TENM3: variants seen among roughly 807,000 people sequenced by gnomAD.
The protein encoded by TENM3 is teneurin transmembrane protein 3.
A neutral mutation model predicts 255.1 loss-of-function variants in TENM3; 63 were observed. That is an observed-to-expected ratio of 0.25 (90% CI 0.20 to 0.30). The LOEUF is 0.30. Among genes scored for constraint, TENM3 ranks in the 10% least tolerant of loss-of-function variants. The probability of loss-of-function intolerance (pLI) is 1.00; values close to 1 mark genes in which losing one functional copy is unlikely to be tolerated. For synonymous variants in TENM3, 1,306 were observed against 1,322.3 expected (o/e 0.99, Z 0.27); for missense variants, 2,929 against 3,461.1 (o/e 0.85, Z 3.86).
chr4:182,588,373 T>A (rs1054112975), intron 3 of TENM3, among the ~76,000 whole-genome samples: 1 of 152,218 alleles, frequency 6.6e-6, no homozygotes, highest in Non-Finnish European at 1.5e-5. Flanking sequence ...CTTTCCTTAC[T>A]CTTTATAAGC....
At chr4:182,389,022 T>C (rs1480043093) in intron 3 of TENM3, among the ~76,000 whole-genome samples, 5 of 152,164 alleles carry the variant, frequency 3.3e-5, no homozygotes, top group Non-Finnish European at 1.5e-5. Context: ...TAAATTATAT[T>C]GCAACATCCC....
the TENM3 span, among the ~76,000 whole-genome samples, chr4:181,573,417 A>AT: frequency 3.3e-5 from 5 of 150,558 alleles, no homozygotes; most frequent in African/African-American, 7.3e-5. Flanking sequence ...TCTTTCTTAA[A>AT]TTTTTTTTTT....
At chr4:182,072,471 T>G in the TENM3 span, among the ~76,000 whole-genome samples, 1 of 152,170 alleles carries the variant, frequency 6.6e-6, no homozygotes. Flanking sequence ...CAGCTCTCTA[T>G]CCAATCAATT....
At chr4:182,601,243 G>GGTGTTTTGGGGTTTTGTTGTTGTT in intron 4 of TENM3, 82 bp downstream of exon 4, 1 of 1,100,824 alleles carries the variant, frequency 9.1e-7, no homozygotes, top group South Asian at 1.4e-5. Flanking sequence ...ATTCTGGTGT[G>GGTGTTTTGGGGTTTTGTTGTTGTT]GTGTTTTGGG....
chr4:181,480,669 T>C, the TENM3 span, among the ~76,000 whole-genome samples: 61,367 of 151,268 alleles, frequency 0.41, 12,777 homozygotes, highest in African/African-American at 0.5. Context: ...TATGGAGATA[T>C]GTAGTTTTAT....
chr4:182,323,947 G>T lies in TENM3; in HGVS notation c.-74G>T, dbSNP rs970157346. 3.9e-6 allele frequency: 5 copies of T among 1,294,050 alleles called. No individual in the cohort carries two copies. In the Admixed American group the frequency reaches 9.8e-5, roughly 25 times the overall value. 80.2% of individuals were successfully genotyped at this position (1,294,050 alleles called of 1,614,324 possible). ...CATGCAAACCTTGTATCTTCACAGAGAGGCCAATGAGACTTGAACCCTGAG... is the reference window on the plus strand; with the variant it reads ...CATGCAAACCTTGTATCTTCACAGATAGGCCAATGAGACTTGAACCCTGAG... On this transcript the variant is annotated splice_region_variant and 5_prime_UTR_variant, in exon 2 of 28. Coordinates refer to ENST00000511685, the MANE Select transcript of TENM3 (RefSeq NM_001080477.4).
the TENM3 span, among the ~76,000 whole-genome samples, chr4:181,882,637 A>G: frequency 6.6e-6 from 1 of 152,218 alleles, no homozygotes; most frequent in African/African-American, 2.4e-5. Context: ...CTTCTTTATC[A>G]AATCAGAGGA....
chr4:182,162,244 C>G (rs959703341), intron 1 of TENM3, among the ~76,000 whole-genome samples: 4 of 151,912 alleles, frequency 2.6e-5, no homozygotes, highest in African/African-American at 9.7e-5. Context: ...TTAGTTGGCT[C>G]CAGTGAAAAT....
chr4:181,986,861 G>C, the TENM3 span, among the ~76,000 whole-genome samples: 1 of 152,034 alleles, frequency 6.6e-6, no homozygotes, highest in African/African-American at 2.4e-5. Context: ...GTGTTTATTT[G>C]CATAATATTT....
At chr4:181,968,464 C>T in the TENM3 span, among the ~76,000 whole-genome samples, 1 of 152,200 alleles carries the variant, frequency 6.6e-6, no homozygotes, top group East Asian at 1.9e-4. Context: ...CACAACTGCT[C>T]TGCCAGTGGC....
the TENM3 span, among the ~76,000 whole-genome samples, chr4:181,765,300 A>T: frequency 1.3e-5 from 2 of 152,186 alleles, no homozygotes; most frequent in Non-Finnish European, 2.9e-5. Context: ...TATGACCATA[A>T]AAAGCAGGAT....
At chr4:182,187,363 A>T (rs1235805687) in intron 1 of TENM3, among the ~76,000 whole-genome samples, 1 of 152,218 alleles carries the variant, frequency 6.6e-6, no homozygotes, top group Non-Finnish European at 1.5e-5. Context: ...CTATATGACC[A>T]TGTTGGTGGA....
the TENM3 span, among the ~76,000 whole-genome samples, chr4:181,663,291 T>C: frequency 0.057 from 8,612 of 152,130 alleles, 351 homozygotes; most frequent in Middle Eastern, 0.16. Context: ...AGGCCTTCAG[T>C]TGGTGGAAAT....
intron 1 of TENM3, among the ~76,000 whole-genome samples, chr4:182,307,898 A>G (rs1762226673): frequency 6.6e-6 from 1 of 152,236 alleles, no homozygotes; most frequent in Admixed American, 6.5e-5. Context: ...CAGGCAGTCA[A>G]TGGGAAACCA....
At chr4:181,860,297 AT>A in the TENM3 span, among the ~76,000 whole-genome samples, 12 of 150,930 alleles carry the variant, frequency 8.0e-5, no homozygotes, top group East Asian at 1.9e-4. Context: ...CTTTGGTTTG[AT>A]TTTTTTTTTC....
At chr4:181,528,870 C>G in the TENM3 span, among the ~76,000 whole-genome samples, 1 of 148,456 alleles carries the variant, frequency 6.7e-6, no homozygotes, top group African/African-American at 2.5e-5. Context: ...GGCTGATAAC[C>G]AAACACACAC....
At chr4:182,403,760 T>C (rs1769363916) in intron 3 of TENM3, among the ~76,000 whole-genome samples, 1 of 152,270 alleles carries the variant, frequency 6.6e-6, no homozygotes, top group South Asian at 2.1e-4. Context: ...GGGGATGGGG[T>C]CACCAGGCTG....
At chr4:182,146,573 AT>A (rs1207446194) in intron 1 of TENM3, among the ~76,000 whole-genome samples, 2 of 152,100 alleles carry the variant, frequency 1.3e-5, no homozygotes, top group African/African-American at 2.4e-5. Flanking sequence ...TTAATCAAAG[AT>A]TTTTTTCTAA....
intron 24 of TENM3, among the ~76,000 whole-genome samples, chr4:182,778,100 G>A (rs1460718395): frequency 6.6e-6 from 1 of 152,014 alleles, no homozygotes; most frequent in African/African-American, 2.4e-5. Flanking sequence ...ATAGATAGCA[G>A]TTGCTTACCT....
Sources: gnomAD v4.1 joint callset for allele counts (sites outside exome capture counted in the v4.1 genomes callset) on GRCh38, gnomAD v4.1.1 for gene constraint, MANE v1.5 for transcripts, NCBI Gene and HGNC (gene_info 2026-07-23, HGNC 2026-07-21) for gene names.